The following SPP1 variants were observed in gnomAD, a reference collection of about 807,000 sequenced individuals.
SPP1 encodes osteopontin.
In SPP1, 18 loss-of-function variants were observed where a neutral mutation model predicts 20.8. The ratio of observed to expected loss-of-function variants is 0.87; its 90% CI spans 0.60 to 1.29. The LOEUF (loss-of-function observed/expected upper bound fraction) is 1.29, where lower values mean the gene tolerates loss of function less well. SPP1 is among the 50% of genes most tolerant of loss of function. SPP1 has a pLI of 0.00. For missense variants in SPP1, 363 were observed against 389.0 expected, an observed-to-expected ratio of 0.93 and a Z score of 0.56; for synonymous variants, 146 against 141.5, an observed-to-expected ratio of 1.03 and a Z score of -0.23.
chr4:87,977,148 C>T (rs559946596), intron 3 of SPP1, 51 bp downstream of exon 3: 7 of 1,556,788 alleles, frequency 4.5e-6, no homozygotes, highest in Admixed American at 1.7e-5. Flanking sequence ...TCAATTATGG[C>T]GAGAGGTGCA....
At chr4:87,981,885 T>C in intron 6 of SPP1, 87 bp downstream of exon 6, 1 of 1,129,766 alleles carries the variant, frequency 8.9e-7, no homozygotes, top group Admixed American at 2.2e-5. Flanking sequence ...CATTCATTCA[T>C]CCATTCATTC....
rs1262536284 is a variant in SPP1 at position 87,981,757 on chromosome 4, C to A, written c.499C>A (p.Leu167Met). ...DGRGDSVVYG[L>M]RSKSKKFRRP... Reference sequence around the variant, plus strand: ...CCGAGGTGATAGTGTGGTTTATGGACTGAGGTCAAAATCTAAGAAGTTTCG... The same window carrying A: ...CCGAGGTGATAGTGTGGTTTATGGAATGAGGTCAAAATCTAAGAAGTTTCG... Residue 167 changes from leucine to methionine, a missense_variant, in exon 6 of 7, where the codon CTG becomes ATG. Leu to Met is a conservative substitution (Grantham distance 15, BLOSUM62 2). Coordinates refer to ENST00000395080, the MANE Select transcript of SPP1 (RefSeq NM_001040058.2). 6.2e-7 allele frequency: 1 copy of A among 1,614,002 alleles called. No homozygotes were observed. The highest frequency in any genetic ancestry group is 8.5e-7 in the Non-Finnish European group (1 of 1,180,008).
chr4:87,977,507 C>T (rs1187593798), intron 3 of SPP1, among the ~76,000 whole-genome samples: 1 of 152,102 alleles, frequency 6.6e-6, no homozygotes, highest in Admixed American at 6.6e-5. Flanking sequence ...CCATAATATT[C>T]ACAATATTGT....
Position 87,982,645 on chromosome 4 carries a change from G to A in SPP1, c.694G>A (p.Asp232Asn). The change falls in exon 7 of 7, where the codon GAC (aspartate) becomes AAC (asparagine). Residue 232 changes from aspartate to asparagine, a missense_variant. By Grantham distance (23) the Asp-to-Asn change is conservative. Transcript: ENST00000395080. ...CAGTTATGAAACGAGTCAGCTGGAT[G>A]ACCAGAGTGCTGAAACCCACAGCCA... ...KDSYETSQLD[D>N]QSAETHSHKQ... is the part of the protein sequence containing the mutation. 6.2e-7 allele frequency: 1 copy of A among 1,614,086 alleles called. No individual in the cohort carries two copies. The highest frequency in any genetic ancestry group is 8.5e-7 in the Non-Finnish European group (1 of 1,180,024).
At chr4:87,977,946 A>G in intron 3 of SPP1, 1 of 803,330 alleles carries the variant, frequency 1.2e-6, no homozygotes, top group Non-Finnish European at 1.6e-6. Flanking sequence ...AAACCAGAAA[A>G]ATTAACATCT....
chr4:87,979,652 T>C (rs1725566511), intron 3 of SPP1, among the ~76,000 whole-genome samples: 1 of 152,168 alleles, frequency 6.6e-6, no homozygotes, highest in Non-Finnish European at 1.5e-5. Context: ...CCAGCAAACA[T>C]ACAAAAAGAA....
chr4:87,977,888 GTC>G (rs1479479327), intron 3 of SPP1: 3 of 1,118,696 alleles, frequency 2.7e-6, no homozygotes, highest in African/African-American at 1.6e-5. Flanking sequence ...GGGTGTGTGT[GTC>G]TGTTTTTCAA....
chr4:87,977,236 A>G, intron 3 of SPP1, 139 bp downstream of exon 3: 1 of 862,944 alleles, frequency 1.2e-6, no homozygotes, highest in Non-Finnish European at 1.8e-6. Flanking sequence ...ACTGCCTGCT[A>G]TGAATCTAGG....
At chr4:87,979,308 G>C (rs1488521450) in intron 3 of SPP1, among the ~76,000 whole-genome samples, 1 of 151,600 alleles carries the variant, frequency 6.6e-6, no homozygotes, top group East Asian at 1.9e-4. Context: ...GGGGGTACAG[G>C]TGCCTGCCAC....
rs1725724156 is a variant in SPP1 at position 87,982,947 on chromosome 4, G to A, written c.*51G>A. ...TTTGCATTTAGTCAAAAGAAAAAAT[G>A]CTTTATAGCAAAATGAAAGAGAACA... On this transcript the variant is annotated 3_prime_UTR_variant, in exon 7 of 7. Coordinates refer to ENST00000395080, the MANE Select transcript of SPP1 (RefSeq NM_001040058.2). 1.3e-6 allele frequency: 2 copies of A among 1,497,720 alleles called. No individual in the cohort carries two copies. The highest frequency in any genetic ancestry group is 2.8e-5 in the African/African-American group (2 of 71,112). 92.8% of individuals were successfully genotyped at this position (1,497,720 alleles called of 1,614,324 possible).
Position 87,981,743 on chromosome 4 carries a change from G to A in SPP1, c.485G>A (p.Ser162Asn), listed in dbSNP as rs1725657718. 3 of 1,614,200 alleles carry A rather than the reference G, an allele frequency of 1.9e-6. No homozygotes were observed. The highest frequency in any genetic ancestry group is 1.3e-5 in the African/African-American group (1 of 75,044). ...TVDTYDGRGD[S>N]VVYGLRSKSK... ...GACACATATGATGGCCGAGGTGATAGTGTGGTTTATGGACTGAGGTCAAAA... is the reference window on the plus strand; with the variant it reads ...GACACATATGATGGCCGAGGTGATAATGTGGTTTATGGACTGAGGTCAAAA... The change falls in exon 6 of 7, where the codon AGT becomes AAT. Residue 162 changes from serine (S) to asparagine (N), a missense_variant. Coordinates refer to ENST00000395080, the MANE Select transcript of SPP1 (RefSeq NM_001040058.2).
rs1459625656 is a variant in SPP1 at position 87,977,114 on chromosome 4, T to A, written c.93+17T>A. ...GAAAAGCAGGTAAGCATCTTTTATGTTTTTATATAGTTAAATCATTTACTC... is the reference window on the plus strand; with the variant it reads ...GAAAAGCAGGTAAGCATCTTTTATGATTTTATATAGTTAAATCATTTACTC... On this transcript the variant is annotated intron_variant, in intron 3 of 6. Coordinates refer to ENST00000395080, the MANE Select transcript of SPP1 (RefSeq NM_001040058.2). 1.2e-6 allele frequency: 2 copies of A among 1,610,854 alleles called. No homozygotes were observed. The highest frequency in any genetic ancestry group is 2.7e-5 in the African/African-American group (2 of 74,856).
In SPP1 at chr4:87,983,046, A is replaced by G; in HGVS notation, c.*150A>G. 1.2e-6 allele frequency: 1 copy of G among 827,538 alleles called. No homozygotes were observed. The highest frequency in any genetic ancestry group is 3.1e-5 in the Admixed American group (1 of 31,876). 51.3% of individuals were successfully genotyped at this position (827,538 alleles called of 1,614,324 possible). ...TCTGGAAATAACTAATGTGTTTGAT[A>G]ATTAGTTTAGTTTGTGGCTTCATGG... is the stretch of plus-strand genomic sequence containing the variant. On this transcript the variant is annotated 3_prime_UTR_variant, in exon 7 of 7. Coordinates refer to ENST00000395080, the MANE Select transcript of SPP1 (RefSeq NM_001040058.2).
chr4:87,977,124 G>T, intron 3 of SPP1, 27 bp downstream of exon 3: 2 of 1,606,346 alleles, frequency 1.2e-6, no homozygotes, highest in Non-Finnish European at 1.7e-6. Flanking sequence ...TTTTTATATA[G>T]TTAAATCATT....
Position 87,981,794 on chromosome 4 carries a change from T to C in SPP1, c.536T>C (p.Ile179Thr). ...TCTAAGAAGTTTCGCAGACCTGACA[T>C]CCAGGTAAATCCTTTAACAGACACA... ...SKSKKFRRPD[I>T]QYPDATDEDI... is the part of the protein sequence containing the mutation. Residue 179 changes from isoleucine to threonine, a missense_variant, in exon 6 of 7, where the codon ATC becomes ACC. Transcript: ENST00000395080. The C allele has an allele frequency of 6.2e-7, 1 of 1,613,088 alleles. No homozygotes were observed.
rs538004491 is a variant in SPP1 at position 87,983,032 on chromosome 4, C to A, written c.*136C>A. 1.1e-5 allele frequency: 10 copies of A among 937,262 alleles called. No individual in the cohort carries two copies. The South Asian group carries it at 1.5e-4, about 14-fold the overall frequency. The allele number at this position is 937,262 out of a possible 1,614,324, so 58.1% of individuals were successfully genotyped here. On this transcript the variant is annotated 3_prime_UTR_variant, in exon 7 of 7. Coordinates refer to ENST00000395080, the MANE Select transcript of SPP1 (RefSeq NM_001040058.2). Reference sequence around the variant, plus strand: ...TGTATCTATTTGAGTCTGGAAATAACTAATGTGTTTGATAATTAGTTTAGT... The same window carrying A: ...TGTATCTATTTGAGTCTGGAAATAAATAATGTGTTTGATAATTAGTTTAGT...
At chr4:87,978,316 A>AATAG in intron 3 of SPP1, among the ~76,000 whole-genome samples, 1 of 152,142 alleles carries the variant, frequency 6.6e-6, no homozygotes, top group Middle Eastern at 3.4e-3. Flanking sequence ...GTGTCATGAG[A>AATAG]ATAGATAGAT....
intron 5 of SPP1, 91 bp downstream of exon 5, chr4:87,980,525 GC>G: frequency 7.0e-7 from 1 of 1,423,510 alleles, no homozygotes; most frequent in Non-Finnish European, 9.6e-7. Context: ...AATTTCATTA[GC>G]AAGTTTTCCA....
chr4:87,977,032 T>G (rs190195138), intron 2 of SPP1, 27 bp from the exon 3 acceptor site: 4 of 1,613,912 alleles, frequency 2.5e-6, no homozygotes, highest in Non-Finnish European at 3.4e-6. Context: ...ATTCTTGTAA[T>G]CTTTCTTCAT....
Sources: allele counts gnomAD v4.1 joint callset (sites outside exome capture counted in the v4.1 genomes callset), GRCh38; gene constraint gnomAD v4.1.1; transcripts MANE v1.5; gene names NCBI Gene and HGNC (gene_info 2026-07-23, HGNC 2026-07-21).